The following ARHGAP29 variants were observed in gnomAD, a reference collection of about 807,000 sequenced individuals.
The protein encoded by ARHGAP29 is rho GTPase-activating protein 29.
Under a neutral mutation model 122.6 loss-of-function variants are expected in ARHGAP29, and 43 were observed. The ratio of observed to expected loss-of-function variants is 0.35; its 90% CI spans 0.27 to 0.45. The LOEUF is 0.45. ARHGAP29 is among the 20% of genes least tolerant of loss of function. The pLI is 1.00. For synonymous variants in ARHGAP29, 506 were observed against 497.1 expected, an observed-to-expected ratio of 1.02 and a Z score of -0.24; for missense variants, 1,303 against 1,477.2, an observed-to-expected ratio of 0.88 and a Z score of 1.93.
upstream of ARHGAP29, among the ~76,000 whole-genome samples, chr1:94,238,258 G>T (rs1408939640): frequency 1.3e-5 from 2 of 151,466 alleles, no homozygotes; most frequent in African/African-American, 4.9e-5. Context: ...GCAGGGTTTC[G>T]CTATGTTGGC....
chr1:94,226,915 A>C (rs1168683424), intron 2 of ARHGAP29, among the ~76,000 whole-genome samples: 1 of 151,932 alleles, frequency 6.6e-6, no homozygotes, highest in Non-Finnish European at 1.5e-5. Context: ...ATATTTCACA[A>C]AATTTCTGGC....
At chr1:94,233,141 T>C (rs987266336) in intron 1 of ARHGAP29, among the ~76,000 whole-genome samples, 1 of 151,898 alleles carries the variant, frequency 6.6e-6, no homozygotes, top group South Asian at 2.1e-4. Context: ...TTTGTAGAGA[T>C]ACAGTTTCAC....
intron 3 of ARHGAP29, among the ~76,000 whole-genome samples, chr1:94,218,078 C>A (rs1373918642): frequency 2.0e-5 from 3 of 152,094 alleles, no homozygotes; most frequent in Non-Finnish European, 4.4e-5. Context: ...TAAATGAAAC[C>A]ATTAATTAAG....
chr1:94,205,742 G>C, intron 5 of ARHGAP29, 59 bp from the exon 6 acceptor site: 1 of 1,525,170 alleles, frequency 6.6e-7, no homozygotes, highest in South Asian at 1.2e-5. Context: ...CTTTGCTTCA[G>C]AATTTTTTTG....
At chr1:94,249,883 C>T (rs989911608) in intron 1 of ARHGAP29, among the ~76,000 whole-genome samples, 1 of 152,080 alleles carries the variant, frequency 6.6e-6, no homozygotes, top group Non-Finnish European at 1.5e-5. Flanking sequence ...ATTGAAAGTT[C>T]CACAGTACTA....
chr1:94,308,056 G>A, the ARHGAP29 span, among the ~76,000 whole-genome samples: 4 of 152,020 alleles, frequency 2.6e-5, no homozygotes, highest in Non-Finnish European at 5.9e-5. Flanking sequence ...TGGATTGCAC[G>A]GGGCCTGGCA....
chr1:94,277,638 G>T (rs983732286), upstream of ARHGAP29, among the ~76,000 whole-genome samples: 3 of 152,180 alleles, frequency 2.0e-5, no homozygotes, highest in African/African-American at 7.2e-5. Flanking sequence ...GTCTGACTGG[G>T]AAGGAGGAGG....
At chr1:94,257,717 G>A (rs2100708317) in intron 1 of ARHGAP29, among the ~76,000 whole-genome samples, 1 of 152,160 alleles carries the variant, frequency 6.6e-6, no homozygotes, top group East Asian at 1.9e-4. Context: ...TCAAGAAGAA[G>A]AAGGAGAAGG....
the ARHGAP29 span, among the ~76,000 whole-genome samples, chr1:94,296,686 G>A: frequency 6.6e-6 from 1 of 152,202 alleles, no homozygotes; most frequent in East Asian, 1.9e-4. Context: ...AGTTTATATA[G>A]ACTTTGGCCT....
intron 1 of ARHGAP29, among the ~76,000 whole-genome samples, chr1:94,268,584 A>G (rs1557896252): frequency 6.6e-6 from 1 of 152,220 alleles, no homozygotes; most frequent in African/African-American, 2.4e-5. Flanking sequence ...AGTGACTAGA[A>G]TAGTGCCAGG....
At chr1:94,183,434 T>C (rs1649602777) in intron 19 of ARHGAP29, among the ~76,000 whole-genome samples, 1 of 152,136 alleles carries the variant, frequency 6.6e-6, no homozygotes, top group African/African-American at 2.4e-5. Context: ...GAGCCATTTA[T>C]TTCATCCCAC....
chr1:94,237,926 C>G (rs1437975489), upstream of ARHGAP29, among the ~76,000 whole-genome samples: 2 of 152,094 alleles, frequency 1.3e-5, no homozygotes, highest in African/African-American at 4.8e-5. Context: ...CCTCCCTCTT[C>G]CAGGGGTTAG....
At chr1:94,209,114 A>G in intron 4 of ARHGAP29, 140 bp downstream of exon 4, 3 of 787,972 alleles carry the variant, frequency 3.8e-6, no homozygotes, top group Non-Finnish European at 6.2e-6. Flanking sequence ...TAATAAGGCC[A>G]TACAGAAGGT....
chr1:94,253,211 C>T (rs931191487), intron 1 of ARHGAP29, among the ~76,000 whole-genome samples: 2 of 152,032 alleles, frequency 1.3e-5, no homozygotes, highest in Non-Finnish European at 2.9e-5. Context: ...GCTAGTGATC[C>T]GCCCATCTCG....
At chr1:94,271,205 T>C (rs961276051) in intron 1 of ARHGAP29, among the ~76,000 whole-genome samples, 1 of 152,344 alleles carries the variant, frequency 6.6e-6, no homozygotes, top group African/African-American at 2.4e-5. Flanking sequence ...GCTTACCACA[T>C]GGGTCTCTAT....
At chr1:94,224,125 T>C (rs1570569392) in intron 2 of ARHGAP29, among the ~76,000 whole-genome samples, 1 of 152,172 alleles carries the variant, frequency 6.6e-6, no homozygotes, top group African/African-American at 2.4e-5. Context: ...ACCTTCCTGA[T>C]GTGCTATTTT....
chr1:94,169,599 T>C lies in ARHGAP29; in HGVS notation c.*4270A>G, dbSNP rs780124536. 3.3e-5 allele frequency among the ~76,000 whole-genome samples: 5 copies of C among 152,094 alleles called. No individual in the cohort carries two copies. Among genetic ancestry groups the C allele is most frequent in the East Asian group, 3.8e-4 (2 of 5,204 alleles). ...CAATACGTATGTATATAAATAGATA[T>C]AGAAGTAGGTGACTATTCTTGAATG... On this transcript the variant is annotated 3_prime_UTR_variant, in exon 23 of 23. Transcript: ENST00000260526.
At chr1:94,235,234 CTT>C (rs1375940124) in intron 1 of ARHGAP29, among the ~76,000 whole-genome samples, 1 of 152,124 alleles carries the variant, frequency 6.6e-6, no homozygotes, top group Admixed American at 6.5e-5. Flanking sequence ...AAATAACAAA[CTT>C]AACCCAAGCT....
At chr1:94,218,233 ATATT>A (rs1424091062) in intron 3 of ARHGAP29, among the ~76,000 whole-genome samples, 1 of 152,202 alleles carries the variant, frequency 6.6e-6, no homozygotes, top group Non-Finnish European at 1.5e-5. Context: ...AGAAAACACA[ATATT>A]TAAAGTGTTC....
Sources: gnomAD v4.1 joint callset for allele counts (sites outside exome capture counted in the v4.1 genomes callset) on GRCh38, gnomAD v4.1.1 for gene constraint, MANE v1.5 for transcripts, NCBI Gene and HGNC (gene_info 2026-07-23, HGNC 2026-07-21) for gene names.